HERC2: variants seen among roughly 807,000 people sequenced by gnomAD.
HERC2 encodes the protein E3 ubiquitin-protein ligase HERC2.
A neutral mutation model predicts 537.7 loss-of-function variants in HERC2; 102 were observed. The ratio of observed to expected loss-of-function variants is 0.19; its 90% CI spans 0.16 to 0.22. The LOEUF is 0.22. HERC2 is among the 10% of genes least tolerant of loss of function. The probability of loss-of-function intolerance (pLI) is 1.00; values close to 1 mark genes in which losing one functional copy is unlikely to be tolerated. For synonymous variants in HERC2, 2,224 were observed against 2,466.2 expected, an observed-to-expected ratio of 0.90 and a Z score of 2.91; for missense variants, 4,236 against 6,198.2, an observed-to-expected ratio of 0.68 and a Z score of 10.63.
At chr15:28,215,528 G>A (rs957886198) in intron 39 of HERC2, 93 bp downstream of exon 39, 6 of 1,034,606 alleles carry the variant, frequency 5.8e-6, no homozygotes, top group Middle Eastern at 3.0e-4. Flanking sequence ...TTCTGCACTC[G>A]TTACTGAATA....
chr15:28,287,614 AG>A (rs1310143209), intron 4 of HERC2, among the ~76,000 whole-genome samples: 1 of 152,012 alleles, frequency 6.6e-6, no homozygotes, highest in African/African-American at 2.4e-5. Flanking sequence ...CTGACTTAGG[AG>A]CTTCAAATGC....
At chr15:28,215,886 T>A in intron 38 of HERC2, 84 bp from the exon 39 acceptor site, 1 of 965,524 alleles carries the variant, frequency 1.0e-6, no homozygotes. Flanking sequence ...TTTATCAACT[T>A]ATTTTATTTT....
At chr15:28,307,714 TA>T (rs2076829731) in intron 2 of HERC2, among the ~76,000 whole-genome samples, 1 of 152,238 alleles carries the variant, frequency 6.6e-6, no homozygotes, top group Non-Finnish European at 1.5e-5. Flanking sequence ...ATACTTAACA[TA>T]ATTTTTTTAA....
intron 55 of HERC2, among the ~76,000 whole-genome samples, chr15:28,189,732 T>A (rs1483348280): frequency 6.6e-6 from 1 of 152,220 alleles, no homozygotes; most frequent in Non-Finnish European, 1.5e-5. Context: ...TAGCATGATT[T>A]GATCATTCCA....
chr15:28,139,047 T>C lies in HERC2; in HGVS notation c.12015+2385A>G, dbSNP rs142200907. On this transcript the variant is annotated intron_variant, in intron 78 of 92. Coordinates refer to ENST00000261609, the MANE Select transcript of HERC2 (RefSeq NM_004667.6). ...TAGAATTAGAAGTGGAGTCTAAAGA[T>C]GTGACTTAATAGACTATAGTACTTT... Among the ~76,000 whole-genome samples, 546 of 152,374 alleles carry C rather than the reference T, an allele frequency of 3.6e-3. 7 individuals carry two copies. Among genetic ancestry groups the C allele is most frequent in the African/African-American group, 0.012 (510 of 41,588 alleles).
chr15:28,318,858 C>G (rs2141330092), intron 2 of HERC2, among the ~76,000 whole-genome samples: 1 of 150,812 alleles, frequency 6.6e-6, no homozygotes, highest in African/African-American at 2.4e-5. Flanking sequence ...CTTTTAAGGG[C>G]ATTTCAAACA....
rs1337537371 is a variant in HERC2 at position 28,186,597 on chromosome 15, ATCC to A, written c.8802_8804del (p.Glu2934del). The A allele has an allele frequency of 6.2e-7, 1 of 1,613,770 alleles. No homozygotes were observed. Among genetic ancestry groups the A allele is most frequent in the Non-Finnish European group, 8.5e-7 (1 of 1,179,788 alleles). The stretch of plus-strand genomic sequence containing the variant: ...CTCACCTTCCGCTGTTGCCTTTCTC[ATCC>A]TCCTCCTCTTCATTATCCGAAGCTA... On this transcript the variant is annotated inframe_deletion, in exon 56 of 93. Transcript: ENST00000261609.
rs200859595 is a variant in HERC2, at chr15:28,272,966, C to T, written c.839G>A (p.Ser280Asn). The T allele has an allele frequency of 1.2e-6, 2 of 1,612,502 alleles. No homozygotes were observed. The highest frequency in any genetic ancestry group is 1.3e-5 in the African/African-American group (1 of 75,014). Residue 280 changes from serine (S) to asparagine (N), a missense_variant, in exon 8 of 93, where the codon AGC becomes AAC. Ser to Asn is a conservative substitution (Grantham distance 46). This residue lies in a region of HERC2 where 491 missense variants were observed against 559.3 expected (regional missense o/e 0.88). Transcript: ENST00000261609. Reference sequence around the variant, plus strand: ...CAAGTGCTGGTCCTGCAGGGGGATGCTTCCTGGCCCTTTGGTGGCTGGCGT... The same window carrying T: ...CAAGTGCTGGTCCTGCAGGGGGATGTTTCCTGGCCCTTTGGTGGCTGGCGT... Reference protein sequence around the residue: ...HGTPATKGPGSIPLQDQHLAL... With the variant: ...HGTPATKGPGNIPLQDQHLAL...
chr15:28,215,307 T>C (rs1899775502), intron 39 of HERC2, among the ~76,000 whole-genome samples: 2 of 152,238 alleles, frequency 1.3e-5, no homozygotes, highest in Admixed American at 1.3e-4. Flanking sequence ...AAAAGCAACA[T>C]TACAGATGCA....
chr15:28,287,740 G>GTTTTTTTTTTTTTTTTTTTTTTTT (rs1461307820), intron 4 of HERC2, among the ~76,000 whole-genome samples: 2 of 141,050 alleles, frequency 1.4e-5, no homozygotes, highest in Non-Finnish European at 1.5e-5. Context: ...TTTTTTTTTG[G>GTTTTTTTTTTTTTTTTTTTTTTTT]TTTGAGATGG....
intron 2 of HERC2, among the ~76,000 whole-genome samples, chr15:28,311,336 G>A (rs555799719): frequency 2.8e-3 from 433 of 152,344 alleles, no homozygotes; most frequent in Non-Finnish European, 3.7e-3. Flanking sequence ...GTGGTGGTAC[G>A]CACCTGTAGT....
At position 28,146,121 on chromosome 15, in the gene HERC2, T is replaced by C. The variant is rs1274039109; in HGVS notation, c.11008+116A>G. On this transcript the variant is annotated intron_variant, in intron 71 of 92. Transcript: ENST00000261609. ...TCACAGCTGAATAGCATATTGTCCC[T>C]TCCTTAAGACTTCCATGAGAATACG... The C allele has an allele frequency of 1.5e-5, 11 of 724,706 alleles. No homozygotes were observed. The Admixed American group carries it at 2.7e-4, about 18-fold the overall frequency. The allele number at this position is 724,706 out of a possible 1,614,324, so 44.9% of individuals were successfully genotyped here. A position where few individuals can be genotyped will look rare whatever the true frequency, so the allele number is the denominator to read the frequency against.
At chr15:28,272,771 T>C in intron 8 of HERC2, 123 bp downstream of exon 8, 2 of 634,342 alleles carry the variant, frequency 3.2e-6, no homozygotes, top group Admixed American at 3.1e-5. Flanking sequence ...TGGGACATGG[T>C]TCTCCGTACA....
chr15:28,237,107 G>C lies in HERC2; in HGVS notation c.3859C>G (p.Gln1287Glu), dbSNP rs202020698. 1.7e-4 allele frequency: 259 copies of C among 1,552,952 alleles called. No homozygotes were observed. The highest frequency in any genetic ancestry group is 4.0e-4 in the East Asian group (18 of 44,586). ...FCVGQYLEPD[Q>E]EIVTIPDLGS... ...AGATCTGGTATGGTGACGATTTCTT[G>C]GTCAGGCTGGAAAAATAAATTTCAT... is the stretch of plus-strand genomic sequence containing the variant. The change falls in exon 26 of 93, where the codon CAA becomes GAA. Residue 1287 changes from glutamine (Q) to glutamate (E), a missense_variant. Gln to Glu is a conservative substitution (Grantham distance 29, BLOSUM62 2). Coordinates refer to ENST00000261609, the MANE Select transcript of HERC2 (RefSeq NM_004667.6).
intron 69 of HERC2, among the ~76,000 whole-genome samples, chr15:28,162,156 C>T (rs1265622911): frequency 1.3e-5 from 2 of 152,000 alleles, no homozygotes; most frequent in African/African-American, 2.4e-5. Context: ...ATGGTGAAAC[C>T]CCATCTCAAC....
chr15:28,118,199 C>T (rs1450663297), intron 86 of HERC2: 1 of 160,482 alleles, frequency 6.2e-6, no homozygotes, highest in African/African-American at 2.4e-5. Flanking sequence ...CCATCATGCC[C>T]AGAGGAGACT....
At chr15:28,146,190 G>C (rs760917843) in intron 71 of HERC2, 47 bp downstream of exon 71, 10 of 1,246,212 alleles carry the variant, frequency 8.0e-6, no homozygotes, top group Non-Finnish European at 1.1e-5. Context: ...TGTGTCTACG[G>C]AGACACAGGT....
chr15:28,296,570 T>C (rs1288243716), intron 3 of HERC2, among the ~76,000 whole-genome samples: 2 of 152,070 alleles, frequency 1.3e-5, no homozygotes, highest in African/African-American at 4.8e-5. Flanking sequence ...GAGCACCTTT[T>C]AGAACTATTG....
At chr15:28,129,706 G>C (rs1889895731) in intron 83 of HERC2, among the ~76,000 whole-genome samples, 1 of 152,032 alleles carries the variant, frequency 6.6e-6, no homozygotes, top group South Asian at 2.1e-4. Flanking sequence ...TTAACAGCAG[G>C]GGCTGAAGAT....
Sources: allele counts gnomAD v4.1 joint callset (sites outside exome capture counted in the v4.1 genomes callset), GRCh38; gene constraint gnomAD v4.1.1; regional missense constraint gnomAD v4.1.1; transcripts MANE v1.5; gene names NCBI Gene and HGNC (gene_info 2026-07-23, HGNC 2026-07-21).